The following EP300 variants were observed in gnomAD, a reference collection of about 807,000 sequenced individuals.
EP300 encodes the protein histone acetyltransferase p300.
Under a neutral mutation model 264.0 loss-of-function variants are expected in EP300, and 31 were observed. The observed-to-expected ratio is 0.12, with a 90% CI of 0.09 to 0.16. The LOEUF is 0.16. Ranked by LOEUF, EP300 falls within the 10% of genes least tolerant of loss-of-function variation. EP300 has a pLI of 1.00. For synonymous variants in EP300, 1,340 were observed against 1,045.4 expected (o/e 1.28, Z -5.44); for missense variants, 2,766 against 3,052.9 (o/e 0.91, Z 2.21).
chr22:41,102,024 C>CTTTTTTTTTTTTTTTT (rs2058734555), intron 1 of EP300, among the ~76,000 whole-genome samples: 1 of 126,612 alleles, frequency 7.9e-6, no homozygotes. Context: ...GCTTTTTTTT[C>CTTTTTTTTTTTTTTTT]TTTTCTTTTT....
At chr22:41,113,157 A>AACCCCCCCCCC (rs2058802817) in intron 1 of EP300, among the ~76,000 whole-genome samples, 1 of 92,918 alleles carries the variant, frequency 1.1e-5, no homozygotes, top group African/African-American at 4.4e-5. Flanking sequence ...TCAGGATTCC[A>AACCCCCCCCCC]CCCCCCCCCC....
intron 19 of EP300, 50 bp from the exon 20 acceptor site, chr22:41,160,592 G>C (rs188363795): frequency 6.3e-7 from 1 of 1,583,858 alleles, no homozygotes; most frequent in East Asian, 2.2e-5. Flanking sequence ...GGCTTGGGCT[G>C]TGTTGTGTGA....
chr22:41,120,036 A>G (rs1266828127), intron 2 of EP300, among the ~76,000 whole-genome samples: 2 of 151,644 alleles, frequency 1.3e-5, no homozygotes, highest in African/African-American at 4.8e-5. Context: ...CTCGTTGTGA[A>G]CTCCTGACCT....
At chr22:41,131,657 CATG>C in intron 6 of EP300, 24 bp downstream of exon 6, 1 of 1,613,952 alleles carries the variant, frequency 6.2e-7, no homozygotes, top group Non-Finnish European at 8.5e-7. Context: ...ATCCTAATAA[CATG>C]GTATTGGTTG....
chr22:41,158,822 G>A (rs1047654843), intron 19 of EP300: 1 of 300,620 alleles, frequency 3.3e-6, no homozygotes, highest in Non-Finnish European at 6.4e-6. Flanking sequence ...ACAGCCTGAG[G>A]CAAAACTGAG....
At chr22:41,129,389 G>A (rs1474494238) in intron 4 of EP300, among the ~76,000 whole-genome samples, 1 of 152,208 alleles carries the variant, frequency 6.6e-6, no homozygotes, top group Non-Finnish European at 1.5e-5. Context: ...CCCATGTGGT[G>A]ATCCTCATAG....
At chr22:41,115,528 A>T (rs1391390691) in intron 1 of EP300, among the ~76,000 whole-genome samples, 1 of 152,078 alleles carries the variant, frequency 6.6e-6, no homozygotes, top group Non-Finnish European at 1.5e-5. Flanking sequence ...AAATTCCTGG[A>T]CTCAAGTAAT....
intron 1 of EP300, among the ~76,000 whole-genome samples, chr22:41,095,600 A>G (rs1300842523): frequency 6.6e-6 from 1 of 151,234 alleles, no homozygotes; most frequent in Non-Finnish European, 1.5e-5. Context: ...GGTAACTTTT[A>G]TTGGAGGCAC....
At chr22:41,120,581 A>C (rs1271998187) in intron 2 of EP300, among the ~76,000 whole-genome samples, 1 of 152,194 alleles carries the variant, frequency 6.6e-6, no homozygotes, top group Admixed American at 6.5e-5. Context: ...CAGGAGGTGC[A>C]GGCAGGTGGT....
At chr22:41,098,983 A>G (rs920202467) in intron 1 of EP300, among the ~76,000 whole-genome samples, 2 of 152,172 alleles carry the variant, frequency 1.3e-5, no homozygotes, top group African/African-American at 4.8e-5. Context: ...GCTTCTGTGT[A>G]GTATGTGTTC....
At chr22:41,119,002 A>G (rs978294828) in intron 2 of EP300, among the ~76,000 whole-genome samples, 2 of 128,038 alleles carry the variant, frequency 1.6e-5, no homozygotes, top group East Asian at 4.2e-4. Flanking sequence ...CACCCCCGCC[A>G]CCTTTTTTTT....
At chr22:41,175,935 CT>C (rs2145511141) in intron 29 of EP300, 1 of 394,008 alleles carries the variant, frequency 2.5e-6, no homozygotes, top group East Asian at 5.3e-5. Context: ...CTCATTGGTG[CT>C]CAGCCTGCTG....
chr22:41,164,548 C>G (rs929270800), intron 22 of EP300, among the ~76,000 whole-genome samples: 3 of 152,108 alleles, frequency 2.0e-5, no homozygotes, highest in Non-Finnish European at 4.4e-5. Context: ...CTCGTGTCTA[C>G]TGAAAATACA....
intron 16 of EP300, among the ~76,000 whole-genome samples, chr22:41,152,676 C>T (rs1398812732): frequency 6.6e-6 from 1 of 152,088 alleles, no homozygotes; most frequent in African/African-American, 2.4e-5. Context: ...GAAAGAATAG[C>T]AATAGTAATA....
chr22:41,164,925 G>A (rs767416988), intron 22 of EP300, among the ~76,000 whole-genome samples: 32 of 152,148 alleles, frequency 2.1e-4, no homozygotes, highest in Non-Finnish European at 3.7e-4. Context: ...CAAAGGAAGC[G>A]GGTATATGGG....
rs4822011 is a variant in EP300 at position 41,154,950 on chromosome 22, C to T, written c.3143-45C>T. 0.63 allele frequency: 819,653 copies of T among 1,298,846 alleles called. 262,206 individuals are homozygous for T. Among genetic ancestry groups the T allele is most frequent in the Admixed American group, 0.8 (47,625 of 59,404 alleles). 80.5% of individuals were successfully genotyped at this position (1,298,846 alleles called of 1,614,324 possible). On this transcript the variant is annotated intron_variant, in intron 16 of 30. Coordinates refer to ENST00000263253, the MANE Select transcript of EP300 (RefSeq NM_001429.4). ...GGCTGAATGATTTTTTAAAGTTCTT[C>T]TGCTTAATTGGTAACTAATTTCAAA...
At chr22:41,103,633 CAT>C (rs1352593942) in intron 1 of EP300, among the ~76,000 whole-genome samples, 2 of 152,022 alleles carry the variant, frequency 1.3e-5, no homozygotes, top group Admixed American at 1.3e-4. Context: ...ATGAAGCTAA[CAT>C]GTTTCTGATG....
chr22:41,117,836 G>A lies in EP300; in HGVS notation c.729+15G>A, dbSNP rs1260721720. 1 of 1,613,436 alleles carries A rather than the reference G, an allele frequency of 6.2e-7. No homozygotes were observed. The highest frequency in any genetic ancestry group is 1.7e-5 in the Admixed American group (1 of 60,016). ...AGCCTCTTAAGGTAAGTACAGTTTTGGTTTGTGTGCACAATCGGCATGCAT... is the reference window on the plus strand; with the variant it reads ...AGCCTCTTAAGGTAAGTACAGTTTTAGTTTGTGTGCACAATCGGCATGCAT... On this transcript the variant is annotated intron_variant, in intron 2 of 30. Coordinates refer to ENST00000263253, the MANE Select transcript of EP300 (RefSeq NM_001429.4).
chr22:41,179,472 ATATT>A lies in EP300; in HGVS notation c.*517_*520del, dbSNP rs1192756121. The A allele has an allele frequency of 6.1e-6, 1 of 164,652 alleles. No individual in the cohort carries two copies. The highest frequency in any genetic ancestry group is 2.4e-5 in the African/African-American group (1 of 41,186). The allele number at this position is 164,652 out of a possible 1,614,324, so 10.2% of individuals were successfully genotyped here. On this transcript the variant is annotated 3_prime_UTR_variant, in exon 31 of 31. Transcript: ENST00000263253. ...TATATATATAAATATATATAAATAT[ATATT>A]AAAATACCAGTTTTTTTTCTCTGGG... is the stretch of plus-strand genomic sequence containing the variant.
Sources: gnomAD v4.1 joint callset for allele counts (sites outside exome capture counted in the v4.1 genomes callset) on GRCh38, gnomAD v4.1.1 for gene constraint, MANE v1.5 for transcripts, NCBI Gene and HGNC (gene_info 2026-07-23, HGNC 2026-07-21) for gene names.